The following STMN2 variants were observed in gnomAD, a reference collection of about 807,000 sequenced individuals.
The protein encoded by STMN2 is stathmin 2, also known as stathmin-2.
Under a neutral mutation model 24.1 loss-of-function variants are expected in STMN2, and 2 were observed. The ratio of observed to expected loss-of-function variants is 0.08; its 90% CI spans 0.03 to 0.26. STMN2 has a LOEUF of 0.26. Among genes scored for constraint, STMN2 ranks in the 10% least tolerant of loss-of-function variants. The pLI is 1.00. For synonymous variants in STMN2, 83 were observed against 77.5 expected, an observed-to-expected ratio of 1.07 and a Z score of -0.37; for missense variants, 114 against 213.6, an observed-to-expected ratio of 0.53 and a Z score of 2.91.
At chr8:79,658,379 T>G (rs993799467) in intron 4 of STMN2, among the ~76,000 whole-genome samples, 8 of 152,202 alleles carry the variant, frequency 5.3e-5, no homozygotes, top group Admixed American at 5.2e-4. Context: ...TCAATGAATA[T>G]GTATTGAGTC....
intron 3 of STMN2, 78 bp downstream of exon 3, chr8:79,641,628 GCACACACACACACACACA>G (rs61386841): frequency 3.6e-4 from 156 of 431,716 alleles, no homozygotes; most frequent in African/African-American, 1.5e-3. Context: ...ACACATGCAC[GCACACACACACACACACA>G]CACACACACA....
At chr8:79,613,332 T>C (rs1468480410) in intron 1 of STMN2, 1 of 964,472 alleles carries the variant, frequency 1.0e-6, no homozygotes, top group African/African-American at 1.8e-5. Context: ...ACTGGGTGTG[T>C]GGAGCGCAGC....
At chr8:79,655,335 A>G (rs1166748753) in intron 4 of STMN2, among the ~76,000 whole-genome samples, 1 of 152,108 alleles carries the variant, frequency 6.6e-6, no homozygotes, top group East Asian at 1.9e-4. Flanking sequence ...TGAAATGTGT[A>G]AGACTTCTAT....
intron 1 of STMN2, among the ~76,000 whole-genome samples, chr8:79,623,511 T>A (rs1469104259): frequency 6.6e-6 from 1 of 152,224 alleles, no homozygotes; most frequent in Non-Finnish European, 1.5e-5. Context: ...ATGACATAGC[T>A]GCAGACATAT....
rs753083924 is a variant in STMN2, at chr8:79,624,914, C to T, written c.20-11888C>T. On this transcript the variant is annotated intron_variant, in intron 1 of 4. Transcript: ENST00000220876. The stretch of plus-strand genomic sequence containing the variant: ...CTTATAGCAATATTTGTTATCATAT[C>T]CCTTGTTATTTATCATTCACCTGCT... Among the ~76,000 whole-genome samples, 45 of 152,166 alleles carry T rather than the reference C, an allele frequency of 3.0e-4. 1 individual carries two copies. The highest frequency in any genetic ancestry group is 8.3e-4 in the South Asian group (4 of 4,826).
intron 1 of STMN2, among the ~76,000 whole-genome samples, chr8:79,635,567 A>G (rs1809927257): frequency 6.6e-6 from 1 of 152,240 alleles, no homozygotes; most frequent in Admixed American, 6.5e-5. Context: ...ATGCAATACA[A>G]CATGGCCATA....
intron 1 of STMN2, among the ~76,000 whole-genome samples, chr8:79,612,127 G>C (rs970261133): frequency 1.4e-5 from 2 of 147,564 alleles, no homozygotes; most frequent in Non-Finnish European, 3.0e-5. Flanking sequence ...GGAGCGCAGC[G>C]TGACACCCAG....
At chr8:79,630,302 C>T (rs927619208) in intron 1 of STMN2, among the ~76,000 whole-genome samples, 1 of 152,090 alleles carries the variant, frequency 6.6e-6, no homozygotes, top group Non-Finnish European at 1.5e-5. Context: ...AAAAGTCTCG[C>T]ACTTTTTATT....
intron 3 of STMN2, among the ~76,000 whole-genome samples, chr8:79,642,741 T>A (rs1810128782): frequency 6.6e-6 from 1 of 151,928 alleles, no homozygotes; most frequent in Non-Finnish European, 1.5e-5. Flanking sequence ...ACATTAGAAA[T>A]CCTTAGATTA....
At chr8:79,640,579 A>T (rs1810074398) in intron 2 of STMN2, among the ~76,000 whole-genome samples, 1 of 152,198 alleles carries the variant, frequency 6.6e-6, no homozygotes, top group Non-Finnish European at 1.5e-5. Flanking sequence ...CTAGAGGAGG[A>T]TATTCTAAAC....
Position 79,651,058 on chromosome 8 carries a change from G to A in STMN2, c.289-3813G>A, listed in dbSNP as rs565846667. Among the ~76,000 whole-genome samples the A allele has an allele frequency of 4.4e-4, 67 of 152,300 alleles. 1 individual carries two copies. The South Asian group carries it at 0.014, about 31-fold the overall frequency. On this transcript the variant is annotated intron_variant, in intron 3 of 4. Coordinates refer to ENST00000220876, the MANE Select transcript of STMN2 (RefSeq NM_007029.4). ...GACTTGACATCCTGTATTTTTGTAT[G>A]TGTGGACTTAAGTTTTAAATATTTG...
chr8:79,629,087 T>C (rs886770997), intron 1 of STMN2, among the ~76,000 whole-genome samples: 1 of 152,286 alleles, frequency 6.6e-6, no homozygotes, highest in African/African-American at 2.4e-5. Flanking sequence ...TTTCACCCTA[T>C]TTAGCTGCCT....
intron 3 of STMN2, among the ~76,000 whole-genome samples, chr8:79,643,611 A>G (rs1324129198): frequency 1.3e-5 from 2 of 152,150 alleles, no homozygotes; most frequent in African/African-American, 4.8e-5. Context: ...TTTGAAAGAA[A>G]TTATTGAGGA....
intron 1 of STMN2, among the ~76,000 whole-genome samples, chr8:79,634,070 T>C (rs1017871789): frequency 1.3e-5 from 2 of 152,230 alleles, no homozygotes; most frequent in Non-Finnish European, 2.9e-5. Context: ...CTTAATAAAG[T>C]CGGCATGTAA....
chr8:79,626,061 C>T (rs1049780211), intron 1 of STMN2, among the ~76,000 whole-genome samples: 1 of 152,190 alleles, frequency 6.6e-6, no homozygotes, highest in African/African-American at 2.4e-5. Flanking sequence ...TTTCTCAATA[C>T]ATTACCTAAC....
At chr8:79,641,736 G>A (rs1253052414) in intron 3 of STMN2, among the ~76,000 whole-genome samples, 186 bp downstream of exon 3, 1 of 151,762 alleles carries the variant, frequency 6.6e-6, no homozygotes, top group African/African-American at 2.4e-5. Context: ...AGTAGACACA[G>A]AGCCAGGCTA....
chr8:79,644,626 C>T (rs79644529), intron 3 of STMN2, among the ~76,000 whole-genome samples: 2,686 of 152,172 alleles, frequency 0.018, 77 homozygotes, highest in African/African-American at 0.061. Context: ...AGAAGAAAAT[C>T]GAGGTGTTCT....
chr8:79,639,554 C>T (rs753129535), intron 2 of STMN2, among the ~76,000 whole-genome samples: 2 of 152,164 alleles, frequency 1.3e-5, no homozygotes, highest in Admixed American at 6.5e-5. Context: ...CAGGTGCTAG[C>T]TGTCATCTTT....
chr8:79,646,308 T>C (rs761795881), intron 3 of STMN2, among the ~76,000 whole-genome samples: 1 of 151,594 alleles, frequency 6.6e-6, no homozygotes, highest in Non-Finnish European at 1.5e-5. Context: ...TACATTCCAG[T>C]GGGGGAGAAA....
Sources: gnomAD v4.1 joint callset for allele counts (sites outside exome capture counted in the v4.1 genomes callset) on GRCh38, gnomAD v4.1.1 for gene constraint, MANE v1.5 for transcripts, NCBI Gene and HGNC (gene_info 2026-07-23, HGNC 2026-07-21) for gene names.